The following RIMS2 variants were observed in gnomAD, a reference collection of about 807,000 sequenced individuals.
RIMS2 encodes the protein regulating synaptic membrane exocytosis protein 2.
In RIMS2, 59 loss-of-function variants were observed where a neutral mutation model predicts 174.4. The ratio of observed to expected loss-of-function variants is 0.34; its 90% CI spans 0.27 to 0.42. The LOEUF is 0.42. Among genes scored for constraint, RIMS2 ranks in the 10% least tolerant of loss-of-function variants. The pLI is 1.00. For synonymous variants in RIMS2, 606 were observed against 572.5 expected, an observed-to-expected ratio of 1.06 and a Z score of -0.84; for missense variants, 1,620 against 1,666.3, an observed-to-expected ratio of 0.97 and a Z score of 0.48.
At chr8:103,933,195 A>G (rs2080375855) in intron 12 of RIMS2, among the ~76,000 whole-genome samples, 1 of 151,906 alleles carries the variant, frequency 6.6e-6, no homozygotes, top group Non-Finnish European at 1.5e-5. Context: ...CGGGAGGCTG[A>G]GGCAGGAGAA....
chr8:104,204,197 G>A (rs2099068945), intron 19 of RIMS2, among the ~76,000 whole-genome samples: 1 of 152,172 alleles, frequency 6.6e-6, no homozygotes, highest in Non-Finnish European at 1.5e-5. Flanking sequence ...ACATATATAT[G>A]GTGTACAGTA....
chr8:104,154,723 T>C (rs2098710976), intron 19 of RIMS2, among the ~76,000 whole-genome samples: 1 of 152,212 alleles, frequency 6.6e-6, no homozygotes, highest in East Asian at 1.9e-4. Context: ...ATCTGCGCTC[T>C]TTTCATCTTG....
At chr8:104,108,728 T>C (rs781510632) in intron 19 of RIMS2, among the ~76,000 whole-genome samples, 2 of 152,196 alleles carry the variant, frequency 1.3e-5, no homozygotes, top group Non-Finnish European at 2.9e-5. Context: ...TCTGGGACTT[T>C]CTATGAAAAT....
intron 16 of RIMS2, among the ~76,000 whole-genome samples, chr8:103,986,375 GAAA>G (rs1431896962): frequency 1.3e-5 from 2 of 152,064 alleles, no homozygotes; most frequent in African/African-American, 4.8e-5. Context: ...CAGACAGTAA[GAAA>G]AAGAAGTGAA....
chr8:103,697,106 A>G (rs1253585593), exon 2 of RIMS2: 2 of 1,613,040 alleles, frequency 1.2e-6, no homozygotes, highest in Non-Finnish European at 1.7e-6. Context: ...CAGCAGTTTG[A>G]AATGTATAAA....
At chr8:103,760,463 T>G (rs970440780) in intron 2 of RIMS2, among the ~76,000 whole-genome samples, 1 of 152,226 alleles carries the variant, frequency 6.6e-6, no homozygotes, top group African/African-American at 2.4e-5. Context: ...TGAGCCAATG[T>G]GTCTACTTTC....
At chr8:103,918,567 T>G (rs767449272) in intron 9 of RIMS2, 80 bp downstream of exon 12, 2 of 951,988 alleles carry the variant, frequency 2.1e-6, no homozygotes, top group Non-Finnish European at 3.4e-6. Context: ...TAACTAGTAA[T>G]GTGAAGTAAG....
Position 104,214,757 on chromosome 8 carries a change from A to G in RIMS2, c.3335-30159A>G, listed in dbSNP as rs141439810. On this transcript the variant is annotated intron_variant, in intron 19 of 23. Transcript: ENST00000504942. ...GCCAGGCCCGAGAGACATCTTTAAC[A>G]GAGTATCTTAAGTGGGAATCAGCTG... Among the ~76,000 whole-genome samples the G allele has an allele frequency of 1.8e-4, 28 of 152,298 alleles. No individual in the cohort carries two copies. The East Asian group carries it at 4.2e-3, about 23-fold the overall frequency.
At chr8:103,584,174 C>T (rs892119201) in intron 1 of RIMS2, among the ~76,000 whole-genome samples, 4 of 152,068 alleles carry the variant, frequency 2.6e-5, no homozygotes, top group Non-Finnish European at 5.9e-5. Context: ...AGGCCAGGAG[C>T]GAGTTGCATG....
chr8:103,647,228 T>C (rs971546413), intron 1 of RIMS2, among the ~76,000 whole-genome samples: 3 of 152,234 alleles, frequency 2.0e-5, no homozygotes, highest in African/African-American at 7.2e-5. Context: ...CTGGATTCGG[T>C]TTGCCAGTAT....
rs2098840510 is a variant in RIMS2, at chr8:103,833,760, A to AC, written c.699-51536dup. ...TCTTTTTACTCATTTTGAGAATCTT[A>AC]CCTTTATTTCCTCAAACATAGTTGT... is the stretch of plus-strand genomic sequence containing the variant. On this transcript the variant is annotated intron_variant, in intron 3 of 23. Coordinates refer to ENST00000504942, the Ensembl canonical transcript of RIMS2. Among the ~76,000 whole-genome samples the AC allele has an allele frequency of 3.3e-5, 5 of 152,104 alleles. No individual in the cohort carries two copies. In the South Asian group the frequency reaches 1.0e-3, roughly 32 times the overall value.
intron 3 of RIMS2, among the ~76,000 whole-genome samples, chr8:103,804,517 C>T (rs747637755): frequency 2.6e-4 from 40 of 152,158 alleles, no homozygotes; most frequent in Admixed American, 5.9e-4. Context: ...CTGTTTTTCA[C>T]TTGATTTCTG....
At chr8:103,613,796 A>G (rs372712531) in intron 1 of RIMS2, among the ~76,000 whole-genome samples, 137 of 152,126 alleles carry the variant, frequency 9.0e-4, no homozygotes, top group African/African-American at 3.2e-3. Context: ...TTCCTTCAAG[A>G]CACACTCATG....
intron 15 of RIMS2, among the ~76,000 whole-genome samples, chr8:103,963,093 G>C (rs2090699516): frequency 6.6e-6 from 1 of 151,334 alleles, no homozygotes. Flanking sequence ...CCTCTTTATA[G>C]CCTTTTCATT....
At chr8:103,573,088 C>T (rs1411653869) in intron 1 of RIMS2, among the ~76,000 whole-genome samples, 1 of 151,854 alleles carries the variant, frequency 6.6e-6, no homozygotes, top group African/African-American at 2.4e-5. Context: ...TAGATAGAGT[C>T]TCGCTCTGTT....
intron 1 of RIMS2, among the ~76,000 whole-genome samples, chr8:103,548,594 C>T (rs564297699): frequency 6.6e-6 from 1 of 152,144 alleles, no homozygotes; most frequent in Non-Finnish European, 1.5e-5. Context: ...AAACATTTAT[C>T]TTGAGAACAG....
intron 1 of RIMS2, among the ~76,000 whole-genome samples, chr8:103,609,006 T>C (rs1261068460): frequency 3.3e-5 from 5 of 152,228 alleles, no homozygotes; most frequent in African/African-American, 1.2e-4. Context: ...TCGGCCATCT[T>C]GGCTCCTCCC....
In RIMS2 at chr8:103,973,019, T is replaced by C. The variant is rs1438602274; in HGVS notation, c.2771-2331T>C. On this transcript the variant is annotated intron_variant, in intron 15 of 23. Coordinates refer to ENST00000504942, the Ensembl canonical transcript of RIMS2. ...ATTGGACAGCACTGATAGAAGAACATTCCATCATTTTAGAGTTCTATTGGA... is the reference window on the plus strand; with the variant it reads ...ATTGGACAGCACTGATAGAAGAACACTCCATCATTTTAGAGTTCTATTGGA... Among the ~76,000 whole-genome samples, 4 of 152,340 alleles carry C rather than the reference T, an allele frequency of 2.6e-5. No homozygotes were observed. In the South Asian group the frequency reaches 6.2e-4, roughly 24 times the overall value.
At chr8:103,855,048 T>C (rs2099020147) in intron 3 of RIMS2, among the ~76,000 whole-genome samples, 1 of 152,112 alleles carries the variant, frequency 6.6e-6, no homozygotes, top group Non-Finnish European at 1.5e-5. Flanking sequence ...TCAATATTGG[T>C]CTATTCAGGG....
Sources: allele counts gnomAD v4.1 joint callset (sites outside exome capture counted in the v4.1 genomes callset), GRCh38; gene constraint gnomAD v4.1.1; transcripts MANE v1.5; gene names NCBI Gene and HGNC (gene_info 2026-07-23, HGNC 2026-07-21).